The following RPA1 variants were observed in gnomAD, a reference collection of about 807,000 sequenced individuals.
The protein encoded by RPA1 is replication protein A1, also known as replication protein A 70 kDa DNA-binding subunit.
Under a neutral mutation model 83.0 loss-of-function variants are expected in RPA1, and 49 were observed. The ratio of observed to expected loss-of-function variants is 0.59; its 90% CI spans 0.47 to 0.75. The LOEUF (loss-of-function observed/expected upper bound fraction) is 0.75, where lower values mean the gene tolerates loss of function less well. RPA1 is among the 30% of genes least tolerant of loss of function. The probability of loss-of-function intolerance (pLI) is 0.00; values close to 1 mark genes in which losing one functional copy is unlikely to be tolerated. For synonymous variants in RPA1, 279 were observed against 281.8 expected (o/e 0.99, Z 0.10); for missense variants, 693 against 776.1 (o/e 0.89, Z 1.27).
chr17:1,893,305 A>G (rs1426265307), intron 15 of RPA1, among the ~76,000 whole-genome samples: 2 of 152,208 alleles, frequency 1.3e-5, no homozygotes, highest in Admixed American at 6.5e-5. Flanking sequence ...GTGAATGAGG[A>G]CATATAGAAA....
chr17:1,866,438 C>T (rs1253559799), intron 5 of RPA1, among the ~76,000 whole-genome samples: 1 of 152,030 alleles, frequency 6.6e-6, no homozygotes, highest in Non-Finnish European at 1.5e-5. Flanking sequence ...TCTCAGCTTG[C>T]CTAGTAGCTG....
intron 11 of RPA1, among the ~76,000 whole-genome samples, chr17:1,880,135 C>T (rs552903303): frequency 1.3e-5 from 2 of 151,530 alleles, no homozygotes; most frequent in East Asian, 3.9e-4. Flanking sequence ...GGAGGAGCTC[C>T]TGGGGTTGGC....
chr17:1,895,086 G>T lies in RPA1; in HGVS notation c.1737G>T (p.Glu579Asp), dbSNP rs1431275142. ...TATTCAGAGTCAGGGTCAAAGTGGA[G>T]ACCTACAACGTAAGTAAGGGCCTGG... ...SFIFRVRVKVETYNDESRIKA... is the reference protein window; with the variant it reads ...SFIFRVRVKVDTYNDESRIKA... The change falls in exon 16 of 17, where the codon GAG becomes GAT. Residue 579 changes from glutamate to aspartate, a missense_variant. By Grantham distance (45) the Glu-to-Asp change is conservative. Transcript: ENST00000254719. 1.2e-6 allele frequency: 2 copies of T among 1,613,236 alleles called. No homozygotes were observed. The highest frequency in any genetic ancestry group is 1.7e-5 in the Admixed American group (1 of 59,954).
At chr17:1,864,583 A>G (rs767511345) in intron 5 of RPA1, among the ~76,000 whole-genome samples, 56 of 152,144 alleles carry the variant, frequency 3.7e-4, no homozygotes, top group Admixed American at 1.8e-3. Flanking sequence ...TAGTTCTTCA[A>G]TTAGTCCATA....
intron 13 of RPA1, among the ~76,000 whole-genome samples, chr17:1,887,250 C>G (rs1446876467): frequency 2.0e-5 from 3 of 152,084 alleles, no homozygotes; most frequent in Admixed American, 2.0e-4. Flanking sequence ...AGAACAACTA[C>G]AATAGTGACG....
chr17:1,897,194 G>C lies in RPA1; in HGVS notation c.*19G>C. ...GATGTGAGAGGAGCAGTGCCAATCG[G>C]GCAGAAGTTTGCAAATAGGCAGAAT... On this transcript the variant is annotated 3_prime_UTR_variant, in exon 17 of 17. Transcript: ENST00000254719. The C allele has an allele frequency of 6.5e-7, 1 of 1,530,758 alleles. No homozygotes were observed. The allele number at this position is 1,530,758 out of a possible 1,614,324, so 94.8% of individuals were successfully genotyped here. A position where few individuals can be genotyped will look rare whatever the true frequency, so the allele number is the denominator to read the frequency against.
In RPA1 at chr17:1,898,982, C is replaced by T. The variant is rs1439175569; in HGVS notation, c.*1807C>T. The T allele has an allele frequency of 6.5e-6, 1 of 152,918 alleles. No individual in the cohort carries two copies. The highest frequency in any genetic ancestry group is 1.5e-5 in the Non-Finnish European group (1 of 68,138). 9.5% of individuals were successfully genotyped at this position (152,918 alleles called of 1,614,324 possible). A position where few individuals can be genotyped will look rare whatever the true frequency, so the allele number is the denominator to read the frequency against. ...CTACTCCCAGCATTCCCTCCTCTCC[C>T]CACGTGTCTGTCCACACAGTGAAGA... is the stretch of plus-strand genomic sequence containing the variant. On this transcript the variant is annotated 3_prime_UTR_variant, in exon 17 of 17. Transcript: ENST00000254719.
intron 12 of RPA1, among the ~76,000 whole-genome samples, chr17:1,882,673 A>T (rs951376933): frequency 2.1e-4 from 32 of 152,154 alleles, no homozygotes; most frequent in African/African-American, 6.8e-4. Flanking sequence ...TCAAAACAAA[A>T]AAACCACTTT....
chr17:1,873,687 C>T (rs1238686902), intron 6 of RPA1, among the ~76,000 whole-genome samples: 1 of 152,058 alleles, frequency 6.6e-6, no homozygotes, highest in East Asian at 1.9e-4. Context: ...TTATACACAA[C>T]TCAAAAATTA....
chr17:1,832,868 T>A (rs1911674955), intron 1 of RPA1, among the ~76,000 whole-genome samples: 1 of 152,182 alleles, frequency 6.6e-6, no homozygotes, highest in South Asian at 2.1e-4. Context: ...TATTAATAAT[T>A]GCAGTTTTAT....
chr17:1,868,118 A>G (rs1913248954), intron 5 of RPA1, among the ~76,000 whole-genome samples: 1 of 152,144 alleles, frequency 6.6e-6, no homozygotes, highest in African/African-American at 2.4e-5. Context: ...ACATAGGGCT[A>G]TGGAAAAATA....
At chr17:1,844,729 G>A (rs774075185) in intron 4 of RPA1, 43 bp downstream of exon 4, 9 of 1,482,972 alleles carry the variant, frequency 6.1e-6, no homozygotes, top group African/African-American at 5.5e-5. Flanking sequence ...TCGTAGAATG[G>A]GAACAAATTT....
chr17:1,878,709 TTGTTC>T (rs564778614), intron 8 of RPA1, among the ~76,000 whole-genome samples: 17 of 152,182 alleles, frequency 1.1e-4, no homozygotes, highest in South Asian at 2.1e-4. Context: ...CATTGCCGTT[TTGTTC>T]TGTTCTGTTT....
intron 13 of RPA1, among the ~76,000 whole-genome samples, chr17:1,885,497 GGTCTCATTCT>G (rs1913956799): frequency 6.6e-6 from 1 of 151,904 alleles, no homozygotes; most frequent in Non-Finnish European, 1.5e-5. Flanking sequence ...CTTGAGACAG[GGTCTCATTCT>G]GTCACTCAGG....
intron 4 of RPA1, among the ~76,000 whole-genome samples, chr17:1,851,298 ATC>A (rs1261049453): frequency 6.6e-6 from 1 of 152,050 alleles, no homozygotes; most frequent in Non-Finnish European, 1.5e-5. Context: ...TGCCCACACA[ATC>A]TATATGAATC....
intron 5 of RPA1, among the ~76,000 whole-genome samples, chr17:1,855,668 T>C (rs1912666402): frequency 6.6e-6 from 1 of 152,212 alleles, no homozygotes; most frequent in South Asian, 2.1e-4. Context: ...TATTGTTACA[T>C]CTCTGATTTT....
chr17:1,858,333 AC>A, intron 5 of RPA1: 1 of 1,608,236 alleles, frequency 6.2e-7, no homozygotes, highest in Non-Finnish European at 8.5e-7. Flanking sequence ...TACCAGTGCC[AC>A]GGTGGCAGAT....
intron 5 of RPA1, among the ~76,000 whole-genome samples, chr17:1,855,919 A>G (rs1261980857): frequency 1.3e-5 from 2 of 152,002 alleles, no homozygotes; most frequent in African/African-American, 4.8e-5. Flanking sequence ...ACTTTGGTAG[A>G]TTATGTGCTT....
rs11078707 is a variant in RPA1, at chr17:1,894,252, C to T, written c.1660-757C>T. On this transcript the variant is annotated intron_variant, in intron 15 of 16. Coordinates refer to ENST00000254719, the MANE Select transcript of RPA1 (RefSeq NM_002945.5). Reference sequence around the variant, plus strand: ...TGCAGTCTCAGCTCACTGTAGCCTCCGCCTCTCAGGTCGAAGCAATTCTTC... The same window carrying T: ...TGCAGTCTCAGCTCACTGTAGCCTCTGCCTCTCAGGTCGAAGCAATTCTTC... Among the ~76,000 whole-genome samples, 756 of 152,014 alleles carry T rather than the reference C, an allele frequency of 5.0e-3. 7 individuals are homozygous for T. The highest frequency in any genetic ancestry group is 0.017 in the African/African-American group (721 of 41,452).
Sources: allele counts gnomAD v4.1 joint callset (sites outside exome capture counted in the v4.1 genomes callset), GRCh38; gene constraint gnomAD v4.1.1; transcripts MANE v1.5; gene names NCBI Gene and HGNC (gene_info 2026-07-23, HGNC 2026-07-21).